The following BPNT1 variants were observed in gnomAD, a reference collection of about 807,000 sequenced individuals.
The protein encoded by BPNT1 is 3'(2'), 5'-bisphosphate nucleotidase 1.
In BPNT1, 28 loss-of-function variants were observed where a neutral mutation model predicts 36.9. The ratio of observed to expected loss-of-function variants is 0.76; its 90% CI spans 0.56 to 1.04. BPNT1 has a LOEUF of 1.04. Ranked by LOEUF, BPNT1 falls within the 50% of genes least tolerant of loss-of-function variation. The probability of loss-of-function intolerance (pLI) is 0.00; values close to 1 mark genes in which losing one functional copy is unlikely to be tolerated. For missense variants in BPNT1, 313 were observed against 372.9 expected (o/e 0.84, Z 1.32); for synonymous variants, 119 against 130.9 (o/e 0.91, Z 0.62).
At chr1:220,061,296 T>C (rs1663006240) in intron 7 of BPNT1, among the ~76,000 whole-genome samples, 1 of 152,150 alleles carries the variant, frequency 6.6e-6, no homozygotes, top group African/African-American at 2.4e-5. Context: ...TAACCTGCTA[T>C]CAAACTTTCA....
chr1:220,058,867 T>C lies in BPNT1; in HGVS notation c.904A>G (p.Ile302Val). 6.2e-7 allele frequency: 1 copy of C among 1,614,122 alleles called. No individual in the cohort carries two copies. The highest frequency in any genetic ancestry group is 2.2e-5 in the East Asian group (1 of 44,882). ...CTTTAAGGAACAAGTGCATTTTTAATAGATTCTGGAACTCGGCTTGCATAG... is the reference window on the plus strand; with the variant it reads ...CTTTAAGGAACAAGTGCATTTTTAACAGATTCTGGAACTCGGCTTGCATAG... ...DYYASRVPESIKNALVP is the reference protein window; with the variant it reads ...DYYASRVPESVKNALVP The change falls in exon 9 of 9, where the codon ATT (isoleucine) becomes GTT (valine). Residue 302 changes from isoleucine (I) to valine (V), a missense_variant. Transcript: ENST00000322067.
At chr1:220,084,128 C>G (rs1462269494) in intron 1 of BPNT1, among the ~76,000 whole-genome samples, 1 of 151,944 alleles carries the variant, frequency 6.6e-6, no homozygotes, top group Non-Finnish European at 1.5e-5. Context: ...GTCAGGAGAT[C>G]GAGACCATCC....
chr1:220,080,420 G>C (rs546813113), intron 1 of BPNT1, among the ~76,000 whole-genome samples: 3 of 152,200 alleles, frequency 2.0e-5, no homozygotes, highest in Non-Finnish European at 4.4e-5. Context: ...ATTTCCAGTG[G>C]CAAGAACCGC....
chr1:220,083,879 T>C (rs1420227268), intron 1 of BPNT1, among the ~76,000 whole-genome samples: 1 of 152,188 alleles, frequency 6.6e-6, no homozygotes, highest in African/African-American at 2.4e-5. Flanking sequence ...CAGGGGTTCC[T>C]GGAATCAACC....
At position 220,057,807 on chromosome 1, in the gene BPNT1, C is replaced by A. The variant is rs200924997; in HGVS notation, c.*1037G>T. 3.7e-4 allele frequency: 461 copies of A among 1,234,950 alleles called. 6 individuals are homozygous for A. The Admixed American group carries it at 0.01, about 28-fold the overall frequency. The allele number at this position is 1,234,950 out of a possible 1,614,324, so 76.5% of individuals were successfully genotyped here. On this transcript the variant is annotated 3_prime_UTR_variant, in exon 9 of 9. Transcript: ENST00000322067. ...CATATATAATAACATCATATATATT[C>A]TTAATTGGAGTAGAAACGTTTTTAA...
At chr1:220,089,101 G>GAAAAAAAAAAAAAAAAA (rs764942826) in intron 1 of BPNT1, among the ~76,000 whole-genome samples, 1 of 39,156 alleles carries the variant, frequency 2.6e-5, no homozygotes, top group Non-Finnish European at 4.7e-5. Context: ...ACTCCGTCTC[G>GAAAAAAAAAAAAAAAAA]AAAAAAAAAA....
At position 220,057,494 on chromosome 1, in the gene BPNT1, CAG is replaced by C. The variant is rs1441391677; in HGVS notation, c.*1348_*1349del. On this transcript the variant is annotated 3_prime_UTR_variant, in exon 9 of 9. Coordinates refer to ENST00000322067, the MANE Select transcript of BPNT1 (RefSeq NM_006085.6). The stretch of plus-strand genomic sequence containing the variant: ...TTTAAACCACTTGTTGATTTGAAAA[CAG>C]ATAATTTTAATTAAAAGCAATGGAC... 1.9e-5 allele frequency: 3 copies of C among 162,018 alleles called. No individual in the cohort carries two copies. Among genetic ancestry groups the C allele is most frequent in the African/African-American group, 7.2e-5 (3 of 41,478 alleles). 10.0% of individuals were successfully genotyped at this position (162,018 alleles called of 1,614,324 possible). A position where few individuals can be genotyped will look rare whatever the true frequency, so the allele number is the denominator to read the frequency against.
At chr1:220,072,029 G>A (rs1229287428) in intron 4 of BPNT1, among the ~76,000 whole-genome samples, 1 of 151,828 alleles carries the variant, frequency 6.6e-6, no homozygotes, top group East Asian at 1.9e-4. Context: ...TCACAAGTGT[G>A]CCAGGGCCAT....
intron 1 of BPNT1, among the ~76,000 whole-genome samples, chr1:220,083,669 G>C (rs1211414049): frequency 6.6e-6 from 1 of 152,050 alleles, no homozygotes. Flanking sequence ...GAACTGCACC[G>C]GTCCACTTTG....
At chr1:220,084,254 C>T (rs905918926) in intron 1 of BPNT1, among the ~76,000 whole-genome samples, 1 of 151,800 alleles carries the variant, frequency 6.6e-6, no homozygotes, top group East Asian at 1.9e-4. Flanking sequence ...ATGGCATGAA[C>T]CCGGGAGGTG....
chr1:220,085,192 G>C (rs1203597568), intron 1 of BPNT1, among the ~76,000 whole-genome samples: 2 of 152,088 alleles, frequency 1.3e-5, no homozygotes, highest in Non-Finnish European at 2.9e-5. Flanking sequence ...TTTACCTTTT[G>C]ATGATACAGG....
At chr1:220,059,578 G>T in intron 8 of BPNT1, 108 bp downstream of exon 8, 1 of 851,990 alleles carries the variant, frequency 1.2e-6, no homozygotes, top group Non-Finnish European at 1.8e-6. Flanking sequence ...CTGCCTTCTA[G>T]CTTTTATATC....
At chr1:220,080,996 G>A (rs981458554) in intron 1 of BPNT1, among the ~76,000 whole-genome samples, 2 of 152,138 alleles carry the variant, frequency 1.3e-5, no homozygotes, top group African/African-American at 2.4e-5. Context: ...ACGGAGTCTC[G>A]CTCTGTCGCC....
At chr1:220,071,600 G>C (rs375384556) in intron 4 of BPNT1, among the ~76,000 whole-genome samples, 1 of 152,226 alleles carries the variant, frequency 6.6e-6, no homozygotes, top group South Asian at 2.1e-4. Context: ...TGCAAAGCAA[G>C]AAAGTGTGGT....
intron 1 of BPNT1, among the ~76,000 whole-genome samples, chr1:220,088,789 T>TAAA (rs1267059944): frequency 3.1e-4 from 35 of 114,126 alleles, no homozygotes; most frequent in South Asian, 1.2e-3. Context: ...GAACCTGTCT[T>TAAA]AAAAAAAAAA....
chr1:220,078,556 T>C (rs1445764598), intron 2 of BPNT1, among the ~76,000 whole-genome samples: 2 of 139,968 alleles, frequency 1.4e-5, no homozygotes, highest in African/African-American at 5.1e-5. Context: ...TAATTATATA[T>C]AAATATAATA....
At chr1:220,087,483 A>G (rs973220669) in intron 1 of BPNT1, among the ~76,000 whole-genome samples, 6 of 152,074 alleles carry the variant, frequency 3.9e-5, no homozygotes, top group African/African-American at 1.4e-4. Flanking sequence ...TGAACCTGGG[A>G]GGTAGAAGTT....
intron 2 of BPNT1, among the ~76,000 whole-genome samples, chr1:220,075,634 T>A (rs968676572): frequency 4.6e-5 from 7 of 152,222 alleles, no homozygotes; most frequent in Admixed American, 1.3e-4. Context: ...AAAGACACAT[T>A]GAAAGCCATT....
chr1:220,064,830 C>CAA (rs1316719501), intron 6 of BPNT1, among the ~76,000 whole-genome samples: 5 of 152,110 alleles, frequency 3.3e-5, no homozygotes. Flanking sequence ...TTTTTTGAGA[C>CAA]AGAGTCTTAC....
Sources: allele counts gnomAD v4.1 joint callset (sites outside exome capture counted in the v4.1 genomes callset), GRCh38; gene constraint gnomAD v4.1.1; transcripts MANE v1.5; gene names NCBI Gene and HGNC (gene_info 2026-07-23, HGNC 2026-07-21).